PRKG1: variants seen among roughly 807,000 people sequenced by gnomAD.
PRKG1 encodes protein kinase cGMP-dependent 1.
Under a neutral mutation model 88.1 loss-of-function variants are expected in PRKG1, and 35 were observed. The observed-to-expected ratio is 0.40, with a 90% CI of 0.30 to 0.53. The LOEUF (loss-of-function observed/expected upper bound fraction) is 0.53. PRKG1 is among the 20% of genes least tolerant of loss of function. The pLI is 0.59. For synonymous variants in PRKG1, 303 were observed against 292.5 expected, an observed-to-expected ratio of 1.04 and a Z score of -0.37; for missense variants, 540 against 839.8, an observed-to-expected ratio of 0.64 and a Z score of 4.41.
chr10:51,283,157 T>C (rs888558462), intron 2 of PRKG1, among the ~76,000 whole-genome samples: 2 of 151,996 alleles, frequency 1.3e-5, no homozygotes, highest in East Asian at 3.9e-4. Flanking sequence ...CCATTGCTAC[T>C]GCCACTTTAG....
intron 2 of PRKG1, among the ~76,000 whole-genome samples, chr10:51,337,769 C>T (rs187210761): frequency 1.3e-3 from 205 of 152,118 alleles, no homozygotes; most frequent in Non-Finnish European, 2.4e-3. Context: ...GGTGAGGTTG[C>T]GGAGAAATAG....
chr10:51,946,436 G>A (rs571609437), intron 5 of PRKG1, among the ~76,000 whole-genome samples: 10 of 151,944 alleles, frequency 6.6e-5, no homozygotes, highest in Admixed American at 2.6e-4. Context: ...TAGTTTGATC[G>A]CCTGAAGCCT....
intron 2 of PRKG1, among the ~76,000 whole-genome samples, chr10:51,421,350 AT>A (rs1462341923): frequency 8.5e-5 from 13 of 152,104 alleles, no homozygotes; most frequent in Admixed American, 7.9e-4. Context: ...TTTTTTAAAA[AT>A]TGTTTTTTGT....
At chr10:51,706,219 T>C (rs796986679) in intron 3 of PRKG1, among the ~76,000 whole-genome samples, 7 of 152,326 alleles carry the variant, frequency 4.6e-5, no homozygotes, top group African/African-American at 1.7e-4. Context: ...ATATAACTTT[T>C]TTTCCCAAAA....
chr10:52,171,217 A>T (rs1838665317), intron 9 of PRKG1, among the ~76,000 whole-genome samples: 2 of 151,828 alleles, frequency 1.3e-5, no homozygotes, highest in African/African-American at 4.8e-5. Context: ...AATTTACTTA[A>T]GACAACTTGG....
intron 3 of PRKG1, among the ~76,000 whole-genome samples, chr10:51,584,560 C>T (rs73341643): frequency 0.01 from 1,533 of 152,096 alleles, 32 homozygotes; most frequent in African/African-American, 0.034. Context: ...TTTATCATCC[C>T]GCCTGACCTA....
intron 2 of PRKG1, among the ~76,000 whole-genome samples, chr10:51,399,316 T>C (rs293233): frequency 0.62 from 93,670 of 151,898 alleles, 29,520 homozygotes; most frequent in Middle Eastern, 0.7. Flanking sequence ...ATTGGAGAAA[T>C]CTTATTGGTT....
chr10:51,507,801 C>T (rs907326175), intron 3 of PRKG1, among the ~76,000 whole-genome samples: 7 of 152,098 alleles, frequency 4.6e-5, no homozygotes, highest in African/African-American at 1.7e-4. Context: ...TCAATTACAC[C>T]ATCGAAGATG....
chr10:51,124,312 T>C (rs1465760895), intron 1 of PRKG1, among the ~76,000 whole-genome samples: 1 of 152,186 alleles, frequency 6.6e-6, no homozygotes, highest in East Asian at 1.9e-4. Context: ...GACGTAATTA[T>C]TATTTTTATT....
At chr10:51,391,812 A>G (rs1482912884) in intron 2 of PRKG1, among the ~76,000 whole-genome samples, 1 of 152,214 alleles carries the variant, frequency 6.6e-6, no homozygotes, top group African/African-American at 2.4e-5. Context: ...TAGTGGGATA[A>G]TTTATTTTAT....
intron 5 of PRKG1, among the ~76,000 whole-genome samples, chr10:51,957,234 C>T (rs1033185938): frequency 7.5e-6 from 1 of 132,770 alleles, no homozygotes; most frequent in African/African-American, 2.7e-5. Flanking sequence ...CTCTCTTTCT[C>T]TACTTCTCTC....
chr10:51,248,908 A>G (rs1246827404), intron 2 of PRKG1, among the ~76,000 whole-genome samples: 1 of 151,820 alleles, frequency 6.6e-6, no homozygotes, highest in Non-Finnish European at 1.5e-5. Flanking sequence ...CATATTCTAA[A>G]GATGTTGTAA....
intron 3 of PRKG1, among the ~76,000 whole-genome samples, chr10:51,661,983 A>G (rs1840311567): frequency 6.6e-6 from 1 of 152,180 alleles, no homozygotes; most frequent in African/African-American, 2.4e-5. Context: ...AATGACAGAA[A>G]GCCAGACACC....
chr10:51,061,060 G>GGTGTGTGTGTGT (rs71029344), intron 1 of PRKG1, among the ~76,000 whole-genome samples: 44,506 of 146,890 alleles, frequency 0.3, 7,277 homozygotes, highest in East Asian at 0.37. Flanking sequence ...TATACCTAGG[G>GGTGTGTGTGTGT]GTGTGTGTGT....
intron 5 of PRKG1, among the ~76,000 whole-genome samples, chr10:51,915,313 CTGT>C (rs1293930002): frequency 6.6e-6 from 1 of 152,202 alleles, no homozygotes; most frequent in Non-Finnish European, 1.5e-5. Flanking sequence ...TCTTTGAAAT[CTGT>C]TGTTTGTAAC....
chr10:51,897,688 C>T (rs558058520), intron 4 of PRKG1, among the ~76,000 whole-genome samples: 1 of 152,216 alleles, frequency 6.6e-6, no homozygotes, highest in African/African-American at 2.4e-5. Flanking sequence ...ATTCAGTCTA[C>T]TAGGAAATCA....
At chr10:51,446,137 TC>T (rs2132759333) in intron 2 of PRKG1, among the ~76,000 whole-genome samples, 1 of 152,154 alleles carries the variant, frequency 6.6e-6, no homozygotes, top group African/African-American at 2.4e-5. Flanking sequence ...ACTTAGTAAT[TC>T]GTTACAGAAT....
At chr10:52,065,192 C>T (rs866127701) in intron 7 of PRKG1, among the ~76,000 whole-genome samples, 1 of 152,082 alleles carries the variant, frequency 6.6e-6, no homozygotes, top group African/African-American at 2.4e-5. Context: ...TTTCCAATAA[C>T]CAGTATATCT....
chr10:51,045,492 C>G (rs1564580219), intron 1 of PRKG1, among the ~76,000 whole-genome samples: 1 of 151,924 alleles, frequency 6.6e-6, no homozygotes, highest in Non-Finnish European at 1.5e-5. Flanking sequence ...CCAGCTAATT[C>G]TTTTTGTATT....
Sources: gnomAD v4.1 joint callset for allele counts (sites outside exome capture counted in the v4.1 genomes callset) on GRCh38, gnomAD v4.1.1 for gene constraint, MANE v1.5 for transcripts, NCBI Gene and HGNC (gene_info 2026-07-23, HGNC 2026-07-21) for gene names.